VWC2L: variants seen among roughly 807,000 people sequenced by gnomAD.
The protein encoded by VWC2L is von Willebrand factor C domain containing 2 like, also known as von Willebrand factor C domain-containing protein 2-like.
In VWC2L, 10 loss-of-function variants were observed where a neutral mutation model predicts 21.6. The ratio of observed to expected loss-of-function variants is 0.46; its 90% CI spans 0.29 to 0.78. The LOEUF (loss-of-function observed/expected upper bound fraction) is 0.78, where lower values mean the gene tolerates loss of function less well. VWC2L is among the 30% of genes least tolerant of loss of function. The probability of loss-of-function intolerance (pLI) is 0.10; values close to 1 mark genes in which losing one functional copy is unlikely to be tolerated. For synonymous variants in VWC2L, 96 were observed against 94.3 expected, an observed-to-expected ratio of 1.02 and a Z score of -0.10; for missense variants, 209 against 277.1, an observed-to-expected ratio of 0.75 and a Z score of 1.74.
chr2:214,414,024 T>G (rs1702316061), intron 1 of VWC2L, 90 bp from the exon 2 acceptor site: 1 of 699,706 alleles, frequency 1.4e-6, no homozygotes, highest in Admixed American at 3.6e-5. Context: ...ATCTTCAAAT[T>G]GATCCCAAAC....
chr2:214,553,072 A>G (rs988355751), intron 3 of VWC2L, among the ~76,000 whole-genome samples: 3 of 152,030 alleles, frequency 2.0e-5, no homozygotes, highest in Non-Finnish European at 4.4e-5. Context: ...TCCCCAGCCC[A>G]TCCCCTCTTC....
intron 3 of VWC2L, among the ~76,000 whole-genome samples, chr2:214,573,958 T>TG (rs1690190924): frequency 6.6e-6 from 1 of 152,124 alleles, no homozygotes; most frequent in South Asian, 2.1e-4. Flanking sequence ...CTGCCCAACA[T>TG]GGTGAAACCT....
chr2:214,426,498 A>G (rs1156413846), intron 2 of VWC2L, among the ~76,000 whole-genome samples: 1 of 152,244 alleles, frequency 6.6e-6, no homozygotes, highest in Non-Finnish European at 1.5e-5. Flanking sequence ...ATTTGTGCCT[A>G]AAACAAATAC....
intron 3 of VWC2L, among the ~76,000 whole-genome samples, chr2:214,521,058 C>T (rs1000262404): frequency 1.8e-4 from 27 of 151,792 alleles, no homozygotes; most frequent in Middle Eastern, 3.4e-3. Flanking sequence ...CCCATCTCTA[C>T]TAAACAAATA....
rs566960597 is a variant in VWC2L, at chr2:214,544,377, G to A, written c.521-31295G>A. Among the ~76,000 whole-genome samples, 89 of 152,172 alleles carry A rather than the reference G, an allele frequency of 5.8e-4. 1 individual carries two copies. The highest frequency in any genetic ancestry group is 2.1e-3 in the African/African-American group (87 of 41,528). ...TAAAGCCTTCAAGAAAGTAGTAGCCGGCCACTGATAAGTAGCAAGTTGGAG... is the reference window on the plus strand; with the variant it reads ...TAAAGCCTTCAAGAAAGTAGTAGCCAGCCACTGATAAGTAGCAAGTTGGAG... On this transcript the variant is annotated intron_variant, in intron 3 of 3. Coordinates refer to ENST00000312504, the MANE Select transcript of VWC2L (RefSeq NM_001080500.4).
chr2:214,412,438 ATGTT>A (rs1194925677), intron 1 of VWC2L, among the ~76,000 whole-genome samples: 3 of 152,018 alleles, frequency 2.0e-5, no homozygotes, highest in Non-Finnish European at 4.4e-5. Context: ...AGCTTCTGTT[ATGTT>A]TGTTATCTCT....
At position 214,576,071 on chromosome 2, in the gene VWC2L, C is replaced by T. The variant is rs1291363751; in HGVS notation, c.*251C>T. The T allele has an allele frequency of 8.2e-6, 2 of 245,388 alleles. No homozygotes were observed. The highest frequency in any genetic ancestry group is 1.0e-4 in the Admixed American group (2 of 19,082). 15.2% of individuals were successfully genotyped at this position (245,388 alleles called of 1,614,324 possible). On this transcript the variant is annotated 3_prime_UTR_variant, in exon 4 of 4. Coordinates refer to ENST00000312504, the MANE Select transcript of VWC2L (RefSeq NM_001080500.4). ...TTACCAATGCTTGATGGTGACTTGA[C>T]GACTGGATTGCTGGAACAAAAAGAA...
intron 3 of VWC2L, among the ~76,000 whole-genome samples, chr2:214,570,688 TA>T (rs35453142): frequency 1.0e-4 from 15 of 149,090 alleles, no homozygotes; most frequent in Non-Finnish European, 1.2e-4. Context: ...GTGTTTCATT[TA>T]AAAAAAAAAA....
intron 3 of VWC2L, among the ~76,000 whole-genome samples, chr2:214,459,905 T>A (rs1285358253): frequency 7.1e-6 from 1 of 140,474 alleles, no homozygotes; most frequent in Non-Finnish European, 1.5e-5. Context: ...CCTTTGACTT[T>A]TTTTTTTTTT....
chr2:214,571,997 G>A (rs188686599), intron 3 of VWC2L, among the ~76,000 whole-genome samples: 1 of 152,200 alleles, frequency 6.6e-6, no homozygotes, highest in African/African-American at 2.4e-5. Flanking sequence ...GCCCAGGCTG[G>A]TCTCAAACTC....
At chr2:214,502,116 G>A (rs891046426) in intron 3 of VWC2L, among the ~76,000 whole-genome samples, 1 of 152,158 alleles carries the variant, frequency 6.6e-6, no homozygotes, top group African/African-American at 2.4e-5. Context: ...AAACACTGCT[G>A]TTTTTCCTTC....
At chr2:214,454,014 C>T (rs1703016309) in intron 3 of VWC2L, among the ~76,000 whole-genome samples, 1 of 152,094 alleles carries the variant, frequency 6.6e-6, no homozygotes, top group East Asian at 1.9e-4. Flanking sequence ...AGCCACCGCG[C>T]CCAGCCTTTT....
intron 3 of VWC2L, among the ~76,000 whole-genome samples, chr2:214,503,605 C>CA (rs1286158034): frequency 6.6e-6 from 1 of 151,690 alleles, no homozygotes; most frequent in Non-Finnish European, 1.5e-5. Context: ...CTCTCAGCTA[C>CA]AAAAGCAGTG....
intron 3 of VWC2L, among the ~76,000 whole-genome samples, chr2:214,539,287 G>A (rs973903845): frequency 2.6e-5 from 4 of 152,058 alleles, no homozygotes; most frequent in African/African-American, 7.2e-5. Flanking sequence ...AAAAATGTTC[G>A]ATTCAATCAC....
rs138768968 is a variant in VWC2L at position 214,528,265 on chromosome 2, T to C, written c.521-47407T>C. The stretch of plus-strand genomic sequence containing the variant: ...GCTGGTTCTCCAGCATTTGAATCCC[T>C]GCTATGATGTTCTTACCAAGTAATT... On this transcript the variant is annotated intron_variant, in intron 3 of 3. Coordinates refer to ENST00000312504, the MANE Select transcript of VWC2L (RefSeq NM_001080500.4). Among the ~76,000 whole-genome samples the C allele has an allele frequency of 2.2e-4, 33 of 152,326 alleles. No individual in the cohort carries two copies. The East Asian group carries it at 6.2e-3, about 29-fold the overall frequency.
At chr2:214,452,128 ACT>A (rs909210630) in intron 3 of VWC2L, among the ~76,000 whole-genome samples, 1 of 151,862 alleles carries the variant, frequency 6.6e-6, no homozygotes. Flanking sequence ...TTCAGTATGC[ACT>A]CTCTTTTGTT....
intron 3 of VWC2L, among the ~76,000 whole-genome samples, chr2:214,487,384 G>C (rs1429293944): frequency 6.6e-6 from 1 of 151,976 alleles, no homozygotes. Flanking sequence ...AGTTGCTGGG[G>C]CTACAGTGGT....
chr2:214,538,954 C>A (rs1008033751), intron 3 of VWC2L, among the ~76,000 whole-genome samples: 48 of 152,122 alleles, frequency 3.2e-4, no homozygotes, highest in Admixed American at 5.9e-4. Flanking sequence ...TGGGGAAAAA[C>A]CCTCATAATT....
intron 3 of VWC2L, among the ~76,000 whole-genome samples, chr2:214,564,811 G>A (rs767097576): frequency 6.6e-6 from 1 of 152,070 alleles, no homozygotes; most frequent in Non-Finnish European, 1.5e-5. Context: ...ATGTCATGAT[G>A]CCCTATTTTG....
Sources: allele counts gnomAD v4.1 joint callset (sites outside exome capture counted in the v4.1 genomes callset), GRCh38; gene constraint gnomAD v4.1.1; transcripts MANE v1.5; gene names NCBI Gene and HGNC (gene_info 2026-07-23, HGNC 2026-07-21).